GBE1: variants seen among roughly 807,000 people sequenced by gnomAD.
GBE1 encodes 1,4-alpha-glucan branching enzyme 1, also known as 1,4-alpha-glucan-branching enzyme.
A neutral mutation model predicts 88.8 loss-of-function variants in GBE1; 70 were observed. The observed-to-expected ratio is 0.79, with a 90% CI of 0.65 to 0.96. The LOEUF (loss-of-function observed/expected upper bound fraction) is 0.96. Among genes scored for constraint, GBE1 ranks in the 40% least tolerant of loss-of-function variants. GBE1 has a pLI of 0.00. For missense variants in GBE1, 872 were observed against 871.0 expected, an observed-to-expected ratio of 1.00 and a Z score of -0.01; for synonymous variants, 284 against 300.1, an observed-to-expected ratio of 0.95 and a Z score of 0.56.
chr3:81,761,238 C>T, intron 1 of GBE1, 137 bp downstream of exon 1: 6 of 1,161,822 alleles, frequency 5.2e-6, no homozygotes, highest in Non-Finnish European at 4.8e-6. Flanking sequence ...CGAGTCACCC[C>T]GAGCCCCGCC....
chr3:81,490,517 C>T lies in GBE1; in HGVS notation c.2053-54G>A, dbSNP rs1702422628. On this transcript the variant is annotated intron_variant, in intron 15 of 15. Transcript: ENST00000429644. ...TTGAAGAAAGTACCAAACGGCCTGT[C>T]ATTATGTCAAAGAAACATAGGCATG... The T allele has an allele frequency of 2.2e-6, 3 of 1,390,444 alleles. No individual in the cohort carries two copies. The South Asian group carries it at 3.6e-5, about 17-fold the overall frequency. The allele number at this position is 1,390,444 out of a possible 1,614,324, so 86.1% of individuals were successfully genotyped here.
At chr3:81,628,145 CG>C (rs1184706109) in intron 7 of GBE1, among the ~76,000 whole-genome samples, 1 of 152,034 alleles carries the variant, frequency 6.6e-6, no homozygotes, top group Non-Finnish European at 1.5e-5. Context: ...CAGACTCAGG[CG>C]GCCCCCTTAT....
chr3:81,514,045 A>C (rs949265171), intron 14 of GBE1, among the ~76,000 whole-genome samples: 5 of 151,714 alleles, frequency 3.3e-5, no homozygotes, highest in Non-Finnish European at 5.9e-5. Context: ...GGGAAATAAA[A>C]ATGTTAGAAG....
rs531903794 is a variant in GBE1, at chr3:81,684,430, T to C, written c.314-13477A>G. Among the ~76,000 whole-genome samples the C allele has an allele frequency of 7.9e-5, 12 of 152,286 alleles. No homozygotes were observed. The South Asian group carries it at 2.5e-3, about 32-fold the overall frequency. ...GTCTAAGATCAGGGTGGCAGCACGGTCCAATTCTTGATAGCTCTCTTCCCA... is the reference window on the plus strand; with the variant it reads ...GTCTAAGATCAGGGTGGCAGCACGGCCCAATTCTTGATAGCTCTCTTCCCA... On this transcript the variant is annotated intron_variant, in intron 2 of 15. Transcript: ENST00000429644.
intron 7 of GBE1, among the ~76,000 whole-genome samples, chr3:81,631,604 A>C (rs1704511327): frequency 6.6e-6 from 1 of 151,468 alleles, no homozygotes; most frequent in South Asian, 2.1e-4. Flanking sequence ...AAAATTAGCC[A>C]GGTGTGGTGG....
chr3:81,726,669 C>T (rs1248560045), intron 1 of GBE1, among the ~76,000 whole-genome samples: 1 of 151,254 alleles, frequency 6.6e-6, no homozygotes, highest in African/African-American at 2.4e-5. Context: ...GCAACCTCTG[C>T]CTCCCAGGTT....
At chr3:81,659,883 T>C (rs1704998361) in intron 3 of GBE1, among the ~76,000 whole-genome samples, 1 of 151,470 alleles carries the variant, frequency 6.6e-6, no homozygotes, top group South Asian at 2.1e-4. Flanking sequence ...AAACAGTTAA[T>C]GATGAGATGA....
chr3:81,607,007 T>C (rs931024069), intron 7 of GBE1, among the ~76,000 whole-genome samples: 2 of 152,174 alleles, frequency 1.3e-5, no homozygotes, highest in African/African-American at 4.8e-5. Flanking sequence ...TAAATATTTG[T>C]AAACTGAAGA....
intron 5 of GBE1, among the ~76,000 whole-genome samples, chr3:81,648,129 T>C (rs745668779): frequency 2.0e-5 from 3 of 152,116 alleles, no homozygotes; most frequent in Non-Finnish European, 4.4e-5. Flanking sequence ...AACCATGCCT[T>C]ACAAACCTTT....
intron 12 of GBE1, among the ~76,000 whole-genome samples, chr3:81,559,789 C>A (rs1356976030): frequency 6.6e-6 from 1 of 151,790 alleles, no homozygotes; most frequent in African/African-American, 2.4e-5. Flanking sequence ...AGGAGTACAC[C>A]ATCAAACTCT....
chr3:81,651,556 T>C (rs1448779582), intron 3 of GBE1, among the ~76,000 whole-genome samples: 3 of 152,228 alleles, frequency 2.0e-5, no homozygotes, highest in African/African-American at 7.2e-5. Flanking sequence ...ATTTCAACTA[T>C]TTTAAGCTTA....
chr3:81,714,258 T>C (rs757172829), intron 1 of GBE1, among the ~76,000 whole-genome samples: 1 of 152,162 alleles, frequency 6.6e-6, no homozygotes, highest in Non-Finnish European at 1.5e-5. Flanking sequence ...ATTCTTTCAA[T>C]GGTGAGAAAA....
chr3:81,752,454 A>T (rs1706543500), intron 1 of GBE1, among the ~76,000 whole-genome samples: 3 of 152,192 alleles, frequency 2.0e-5, no homozygotes, highest in African/African-American at 7.2e-5. Context: ...GATGCCCAAG[A>T]ATATGAACAC....
intron 14 of GBE1, among the ~76,000 whole-genome samples, chr3:81,518,312 T>G (rs1015313356): frequency 6.6e-6 from 1 of 151,276 alleles, no homozygotes; most frequent in African/African-American, 2.4e-5. Flanking sequence ...GTTAAATATT[T>G]GACAGCACCG....
At chr3:81,648,650 C>T (rs543354222) in intron 5 of GBE1, among the ~76,000 whole-genome samples, 2 of 152,028 alleles carry the variant, frequency 1.3e-5, no homozygotes, top group Admixed American at 1.3e-4. Context: ...GGAATAATAT[C>T]TTTAATTCTT....
chr3:81,661,328 G>GGATC, intron 3 of GBE1, among the ~76,000 whole-genome samples: 1 of 151,982 alleles, frequency 6.6e-6, no homozygotes. Context: ...TTACATTAAG[G>GGATC]GATCAATCAG....
At chr3:81,686,545 T>G (rs1033571547) in intron 2 of GBE1, among the ~76,000 whole-genome samples, 2 of 152,016 alleles carry the variant, frequency 1.3e-5, no homozygotes, top group African/African-American at 2.4e-5. Flanking sequence ...TCACCTGAGG[T>G]CAGGAGTTTA....
At chr3:81,710,002 A>T (rs1576208472) in intron 1 of GBE1, among the ~76,000 whole-genome samples, 1 of 152,154 alleles carries the variant, frequency 6.6e-6, no homozygotes, top group Non-Finnish European at 1.5e-5. Flanking sequence ...CTGTTATAAA[A>T]ATTATCAGAT....
intron 12 of GBE1, among the ~76,000 whole-genome samples, chr3:81,552,289 G>A (rs1452784067): frequency 2.6e-5 from 4 of 152,130 alleles, no homozygotes; most frequent in South Asian, 2.1e-4. Context: ...AGGCCAAGGC[G>A]GGTAGATTAC....
Sources: gnomAD v4.1 joint callset for allele counts (sites outside exome capture counted in the v4.1 genomes callset) on GRCh38, gnomAD v4.1.1 for gene constraint, MANE v1.5 for transcripts, NCBI Gene and HGNC (gene_info 2026-07-23, HGNC 2026-07-21) for gene names.